The following PIP4K2A variants were observed in gnomAD, a reference collection of about 807,000 sequenced individuals.
The protein encoded by PIP4K2A is phosphatidylinositol 5-phosphate 4-kinase type-2 alpha.
A neutral mutation model predicts 42.9 loss-of-function variants in PIP4K2A; 14 were observed. The observed-to-expected ratio is 0.33, with a 90% CI of 0.22 to 0.51. The LOEUF (loss-of-function observed/expected upper bound fraction) is 0.51. PIP4K2A is among the 20% of genes least tolerant of loss of function. The pLI, the probability that PIP4K2A is intolerant of heterozygous loss-of-function variation, is 0.97. For synonymous variants in PIP4K2A, 192 were observed against 192.2 expected, an observed-to-expected ratio of 1.00 and a Z score of 0.01; for missense variants, 434 against 519.8, an observed-to-expected ratio of 0.83 and a Z score of 1.61.
intron 1 of PIP4K2A, among the ~76,000 whole-genome samples, chr10:22,663,913 T>C (rs1000577266): frequency 6.7e-6 from 1 of 150,298 alleles, no homozygotes; most frequent in Non-Finnish European, 1.5e-5. Context: ...TATCACTGTA[T>C]ATACATTCTT....
chr10:22,662,918 T>C (rs574496609), intron 1 of PIP4K2A, among the ~76,000 whole-genome samples: 27 of 152,358 alleles, frequency 1.8e-4, no homozygotes, highest in African/African-American at 6.3e-4. Flanking sequence ...CATGGGGTAA[T>C]GCAGCAATGC....
intron 1 of PIP4K2A, among the ~76,000 whole-genome samples, chr10:22,668,393 A>T (rs1417293063): frequency 6.6e-6 from 1 of 151,882 alleles, no homozygotes; most frequent in Non-Finnish European, 1.5e-5. Context: ...CAAAACTAAG[A>T]CCTCTCCTGG....
chr10:22,538,793 G>A (rs770147606), intron 9 of PIP4K2A, among the ~76,000 whole-genome samples: 2 of 139,054 alleles, frequency 1.4e-5, no homozygotes, highest in Non-Finnish European at 3.2e-5. Flanking sequence ...GCTTACTGAC[G>A]TGCTCGGGGG....
At chr10:22,650,066 C>T (rs1838961005) in intron 1 of PIP4K2A, among the ~76,000 whole-genome samples, 1 of 152,082 alleles carries the variant, frequency 6.6e-6, no homozygotes. Flanking sequence ...GGATTTGGCT[C>T]AAACATTTGA....
At chr10:22,601,180 C>T (rs1366584459) in intron 3 of PIP4K2A, among the ~76,000 whole-genome samples, 1 of 132,848 alleles carries the variant, frequency 7.5e-6, no homozygotes, top group Non-Finnish European at 1.6e-5. Flanking sequence ...AGGAACATGT[C>T]CCCAAGGCTC....
At position 22,714,437 on chromosome 10, in the gene PIP4K2A, G is replaced by T; in HGVS notation, c.-111C>A. 1.6e-6 allele frequency: 1 copy of T among 640,898 alleles called. No individual in the cohort carries two copies. The highest frequency in any genetic ancestry group is 2.0e-6 in the Non-Finnish European group (1 of 509,384). The allele number at this position is 640,898 out of a possible 1,614,324, so 39.7% of individuals were successfully genotyped here. A position where few individuals can be genotyped will look rare whatever the true frequency, so the allele number is the denominator to read the frequency against. On this transcript the variant is annotated 5_prime_UTR_variant, in exon 1 of 10. Transcript: ENST00000376573. Reference sequence around the variant, plus strand: ...ATCCCCCCGGCGGCGGCCCCGGCGCGCCGCGCTCCGCTCCGCCCGCCGCCG... The same window carrying T: ...ATCCCCCCGGCGGCGGCCCCGGCGCTCCGCGCTCCGCTCCGCCCGCCGCCG...
intron 7 of PIP4K2A, among the ~76,000 whole-genome samples, chr10:22,543,671 A>T (rs1170623063): frequency 1.3e-5 from 2 of 152,216 alleles, no homozygotes; most frequent in East Asian, 3.9e-4. Context: ...GAATCTCGGC[A>T]GCTGCCAGGC....
chr10:22,681,997 ATT>A (rs200882164), intron 1 of PIP4K2A, among the ~76,000 whole-genome samples: 3 of 146,480 alleles, frequency 2.0e-5, no homozygotes, highest in African/African-American at 7.5e-5. Flanking sequence ...TTAGAAAACC[ATT>A]TTTTTTTTTG....
Position 22,541,866 on chromosome 10 carries a change from G to A in PIP4K2A, c.974C>T (p.Pro325Leu). The change falls in exon 8 of 10, where the codon CCA (proline) becomes CTA (leucine). Residue 325 changes from proline to leucine, a missense_variant. Transcript: ENST00000376573. ...ATCGAACTCCCCGGGAGCCAGGGGT[G>A]GTGAGCTGTTCAGTGTATTCCCGGG... ...DSPGNTLNSS[P>L]PLAPGEFDPN... The A allele has an allele frequency of 6.2e-7, 1 of 1,607,678 alleles. No individual in the cohort carries two copies. The highest frequency in any genetic ancestry group is 8.5e-7 in the Non-Finnish European group (1 of 1,177,298).
At chr10:22,664,855 T>C (rs993891916) in intron 1 of PIP4K2A, among the ~76,000 whole-genome samples, 1 of 152,176 alleles carries the variant, frequency 6.6e-6, no homozygotes, top group African/African-American at 2.4e-5. Context: ...TTGAGGTTTA[T>C]ATTAGAATAC....
chr10:22,712,371 T>C (rs903618502), intron 1 of PIP4K2A, among the ~76,000 whole-genome samples: 5 of 152,174 alleles, frequency 3.3e-5, no homozygotes, highest in African/African-American at 1.2e-4. Flanking sequence ...CGGCAGCATA[T>C]TGTTGACACT....
chr10:22,600,979 T>C (rs1837751085), intron 3 of PIP4K2A, among the ~76,000 whole-genome samples: 1 of 151,424 alleles, frequency 6.6e-6, no homozygotes, highest in Non-Finnish European at 1.5e-5. Context: ...AAAAAAAGAA[T>C]ATAAAAATGA....
chr10:22,560,821 A>G (rs570303812), intron 6 of PIP4K2A, among the ~76,000 whole-genome samples: 1 of 152,334 alleles, frequency 6.6e-6, no homozygotes, highest in South Asian at 2.1e-4. Context: ...CAAAATGCAT[A>G]TTTGTGTAAA....
intron 1 of PIP4K2A, among the ~76,000 whole-genome samples, chr10:22,620,146 C>G (rs1038721642): frequency 6.6e-6 from 1 of 152,212 alleles, no homozygotes; most frequent in Non-Finnish European, 1.5e-5. Context: ...CATCTGTCAA[C>G]TTGGTATCTG....
At chr10:22,581,604 C>A (rs11013059) in intron 4 of PIP4K2A, among the ~76,000 whole-genome samples, 31,751 of 144,510 alleles carry the variant, frequency 0.22, 4,435 homozygotes, top group Non-Finnish European at 0.32. Context: ...TTAAAATATT[C>A]CTTTTATTAA....
intron 6 of PIP4K2A, among the ~76,000 whole-genome samples, chr10:22,557,581 GT>G (rs775307284): frequency 6.6e-6 from 1 of 152,184 alleles, no homozygotes; most frequent in Non-Finnish European, 1.5e-5. Context: ...ATATTCTAAG[GT>G]TTAGTAAAGC....
intron 1 of PIP4K2A, among the ~76,000 whole-genome samples, chr10:22,627,052 A>G (rs1838453862): frequency 6.6e-6 from 1 of 152,046 alleles, no homozygotes; most frequent in South Asian, 2.1e-4. Context: ...TCTTCTCCCC[A>G]TCTCCTCCCA....
chr10:22,641,158 C>G (rs920710650), intron 1 of PIP4K2A, among the ~76,000 whole-genome samples: 1 of 152,086 alleles, frequency 6.6e-6, no homozygotes, highest in Non-Finnish European at 1.5e-5. Context: ...GTTTTAGACT[C>G]GGAGGGTACT....
intron 1 of PIP4K2A, among the ~76,000 whole-genome samples, chr10:22,636,014 G>A (rs1452618217): frequency 5.3e-5 from 8 of 152,116 alleles, no homozygotes; most frequent in Admixed American, 3.9e-4. Context: ...AGAAGTAATC[G>A]GCAAAGAGAT....
Sources: gnomAD v4.1 joint callset for allele counts (sites outside exome capture counted in the v4.1 genomes callset) on GRCh38, gnomAD v4.1.1 for gene constraint, MANE v1.5 for transcripts, NCBI Gene and HGNC (gene_info 2026-07-23, HGNC 2026-07-21) for gene names.